Variants in SPATS2 observed in about 807,000 individuals in gnomAD.
SPATS2 encodes spermatogenesis associated serine rich 2, also known as spermatogenesis-associated serine-rich protein 2.
SPATS2 carries 38 observed loss-of-function variants against 63.7 expected under a neutral mutation model. The ratio of observed to expected loss-of-function variants is 0.60; its 90% CI spans 0.46 to 0.78. SPATS2 has a LOEUF of 0.78. Ranked by LOEUF, SPATS2 falls within the 30% of genes least tolerant of loss-of-function variation. SPATS2 has a pLI of 0.00. For synonymous variants in SPATS2, 207 were observed against 232.9 expected (o/e 0.89, Z 1.01); for missense variants, 588 against 666.2 (o/e 0.88, Z 1.29).
intron 3 of SPATS2, chr12:49,461,239 A>C: frequency 1.7e-6 from 1 of 586,482 alleles, no homozygotes; most frequent in Non-Finnish European, 3.0e-6. Context: ...AAACTTAGCA[A>C]ATTGTAATAT....
Position 49,486,221 on chromosome 12 carries a change from G to T in SPATS2, c.105+1552G>T, listed in dbSNP as rs371916632. The T allele has an allele frequency of 2.1e-3, 959 of 453,032 alleles. 19 individuals carry two copies. Among genetic ancestry groups the T allele is most frequent in the South Asian group, 0.014 (901 of 64,416 alleles). 28.1% of individuals were successfully genotyped at this position (453,032 alleles called of 1,614,324 possible). A position where few individuals can be genotyped will look rare whatever the true frequency, so the allele number is the denominator to read the frequency against. On this transcript the variant is annotated intron_variant, in intron 4 of 13. Transcript: ENST00000552918. ...TGTTGTTGTTTTGTTTTCTGTTGTT[G>T]TGAGATGGAATTTCACTCTGTCGTC... is the stretch of plus-strand genomic sequence containing the variant.
chr12:49,510,761 C>T (rs1203776766), intron 9 of SPATS2, among the ~76,000 whole-genome samples: 2 of 152,074 alleles, frequency 1.3e-5, no homozygotes, highest in Admixed American at 1.3e-4. Context: ...TTTTTTGGTA[C>T]CAATGAATTA....
intron 3 of SPATS2, among the ~76,000 whole-genome samples, chr12:49,466,048 T>G (rs1343521486): frequency 6.6e-6 from 1 of 151,366 alleles, no homozygotes; most frequent in African/African-American, 2.4e-5. Flanking sequence ...TGGGTTTTGG[T>G]ATCGTGTCTG....
intron 2 of SPATS2, among the ~76,000 whole-genome samples, chr12:49,392,205 TG>T (rs1303958403): frequency 1.3e-5 from 2 of 152,164 alleles, no homozygotes; most frequent in Admixed American, 6.5e-5. Flanking sequence ...ATTTAAGGTT[TG>T]ATTGTTATTT....
intron 9 of SPATS2, among the ~76,000 whole-genome samples, chr12:49,508,709 G>C (rs1246563383): frequency 2.0e-5 from 3 of 151,078 alleles, no homozygotes; most frequent in Non-Finnish European, 4.4e-5. Flanking sequence ...TGCTGGGATA[G>C]CAGGCATGAG....
chr12:49,507,960 C>T (rs1313117385), intron 9 of SPATS2, among the ~76,000 whole-genome samples: 3 of 152,172 alleles, frequency 2.0e-5, no homozygotes, highest in Admixed American at 2.0e-4. Flanking sequence ...TATTGTATGT[C>T]AGAAACTTTT....
At chr12:49,436,336 G>A (rs1374061157) in intron 2 of SPATS2, among the ~76,000 whole-genome samples, 1 of 146,332 alleles carries the variant, frequency 6.8e-6, no homozygotes, top group Non-Finnish European at 1.5e-5. Context: ...TCACTTCGCA[G>A]TAGGGGCGGC....
At chr12:49,496,785 GT>G in intron 7 of SPATS2, 47 bp from the exon 8 acceptor site, 1 of 1,583,562 alleles carries the variant, frequency 6.3e-7, no homozygotes, top group Non-Finnish European at 8.6e-7. Flanking sequence ...AGAATGACTG[GT>G]TTACTCCTAA....
chr12:49,481,478 T>TC (rs1946204729), intron 3 of SPATS2, among the ~76,000 whole-genome samples: 2 of 143,916 alleles, frequency 1.4e-5, no homozygotes, highest in Non-Finnish European at 3.1e-5. Context: ...TTTTTTTTTT[T>TC]TTTTTTGGAG....
intron 9 of SPATS2, among the ~76,000 whole-genome samples, chr12:49,504,777 T>C (rs796493088): frequency 0.011 from 1,554 of 146,240 alleles, 26 homozygotes; most frequent in African/African-American, 0.036. Flanking sequence ...TTTCTTTTTT[T>C]TTTTTTTTTT....
intron 9 of SPATS2, among the ~76,000 whole-genome samples, chr12:49,507,462 T>TA (rs1946672777): frequency 6.6e-6 from 1 of 152,186 alleles, no homozygotes; most frequent in Admixed American, 6.5e-5. Flanking sequence ...GAGGCTGAGG[T>TA]ATAATGAGAG....
At chr12:49,378,199 C>T (rs1048306049) in intron 2 of SPATS2, among the ~76,000 whole-genome samples, 8 of 152,122 alleles carry the variant, frequency 5.3e-5, no homozygotes, top group African/African-American at 1.7e-4. Flanking sequence ...TCTCAAACTC[C>T]TGACCTGATG....
In SPATS2 at chr12:49,514,604, G is replaced by T. The variant is rs1345894861; in HGVS notation, c.889G>T (p.Ala297Ser). 6.2e-7 allele frequency: 1 copy of T among 1,613,288 alleles called. No homozygotes were observed. Among genetic ancestry groups the T allele is most frequent in the Non-Finnish European group, 8.5e-7 (1 of 1,179,632 alleles). Residue 297 changes from alanine to serine, a missense_variant, in exon 10 of 14, where the codon GCT (alanine) becomes TCT (serine). Transcript: ENST00000552918. ...ALLAEMDKVK[A>S]EAMEILLSRQ... ...GCTTGCTGAAATGGACAAAGTGAAA[G>T]CTGAAGCAAGTAAGATGATTGATCT...
chr12:49,488,074 C>T (rs374164693), intron 4 of SPATS2, among the ~76,000 whole-genome samples: 1 of 150,134 alleles, frequency 6.7e-6, no homozygotes, highest in Non-Finnish European at 1.5e-5. Context: ...GACGGAGTTT[C>T]GCTCTTGCTG....
rs1032866741 is a variant in SPATS2 at position 49,376,780 on chromosome 12, C to T, written c.-244+5490C>T. ...TCGCCCAGGCTGGAGTGCAGTGGTG[C>T]GATCTCAGCTCCACTGCAACCTCTG... is the stretch of plus-strand genomic sequence containing the variant. On this transcript the variant is annotated intron_variant, in intron 2 of 13. Coordinates refer to ENST00000552918, the MANE Select transcript of SPATS2 (RefSeq NM_023071.4). Among the ~76,000 whole-genome samples the T allele has an allele frequency of 5.3e-5, 7 of 131,638 alleles. No homozygotes were observed. In the South Asian group the frequency reaches 7.4e-4, roughly 14 times the overall value. 86.4% of individuals were successfully genotyped at this position (131,638 alleles called of 152,430 possible).
chr12:49,515,423 G>A (rs976463563), intron 10 of SPATS2, among the ~76,000 whole-genome samples: 2 of 152,172 alleles, frequency 1.3e-5, no homozygotes, highest in African/African-American at 2.4e-5. Context: ...GAAATGCTGG[G>A]CTAGGTCGAG....
At chr12:49,492,074 G>C (rs1946391830) in intron 6 of SPATS2, among the ~76,000 whole-genome samples, 1 of 152,100 alleles carries the variant, frequency 6.6e-6, no homozygotes, top group African/African-American at 2.4e-5. Flanking sequence ...TTTTCCAAGG[G>C]TTACCTAATA....
At chr12:49,431,077 GAA>G (rs555309273) in intron 2 of SPATS2, among the ~76,000 whole-genome samples, 21 of 152,082 alleles carry the variant, frequency 1.4e-4, no homozygotes, top group Non-Finnish European at 2.5e-4. Flanking sequence ...AAGGTAGACT[GAA>G]AAGTCTTTCT....
intron 2 of SPATS2, among the ~76,000 whole-genome samples, chr12:49,448,390 T>C (rs1037737653): frequency 1.3e-5 from 2 of 151,950 alleles, no homozygotes; most frequent in African/African-American, 2.4e-5. Context: ...CTGCCCGCCT[T>C]GGCCTCCCAA....
Sources: gnomAD v4.1 joint callset for allele counts (sites outside exome capture counted in the v4.1 genomes callset) on GRCh38, gnomAD v4.1.1 for gene constraint, MANE v1.5 for transcripts, NCBI Gene and HGNC (gene_info 2026-07-23, HGNC 2026-07-21) for gene names.